DCC: variants seen among roughly 807,000 people sequenced by gnomAD.
The protein encoded by DCC is DCC netrin 1 receptor.
Under a neutral mutation model 172.5 loss-of-function variants are expected in DCC, and 58 were observed. The ratio of observed to expected loss-of-function variants is 0.34; its 90% CI spans 0.27 to 0.42. DCC has a LOEUF of 0.42. DCC is among the 10% of genes least tolerant of loss of function. The pLI, the probability that DCC is intolerant of heterozygous loss-of-function variation, is 1.00. For synonymous variants in DCC, 709 were observed against 644.5 expected (o/e 1.10, Z -1.52); for missense variants, 1,740 against 1,791.0 (o/e 0.97, Z 0.51).
intron 1 of DCC, among the ~76,000 whole-genome samples, chr18:52,543,410 C>T (rs2032520667): frequency 6.6e-6 from 1 of 152,142 alleles, no homozygotes; most frequent in Non-Finnish European, 1.5e-5. Context: ...GCAACATTTC[C>T]TCCATAGCTA....
chr18:53,288,535 TTTTA>T (rs2056961841), intron 12 of DCC, among the ~76,000 whole-genome samples: 1 of 152,140 alleles, frequency 6.6e-6, no homozygotes, highest in African/African-American at 2.4e-5. Context: ...TTTGGAATAG[TTTTA>T]TTCTTTTCCT....
intron 2 of DCC, among the ~76,000 whole-genome samples, chr18:52,788,738 A>G (rs2037707278): frequency 6.6e-6 from 1 of 152,142 alleles, no homozygotes; most frequent in Non-Finnish European, 1.5e-5. Flanking sequence ...CCCTTGGAGG[A>G]ACAGGGCCAG....
chr18:52,568,339 A>G (rs2033210926), intron 1 of DCC, among the ~76,000 whole-genome samples: 1 of 152,204 alleles, frequency 6.6e-6, no homozygotes, highest in Non-Finnish European at 1.5e-5. Flanking sequence ...AATGAATGAA[A>G]TAAATGGATA....
rs78072033 is a variant in DCC at position 52,363,844 on chromosome 18, C to T, written c.91+22966C>T. Among the ~76,000 whole-genome samples, 78 of 152,236 alleles carry T rather than the reference C, an allele frequency of 5.1e-4. No homozygotes were observed. The East Asian group carries it at 0.014, about 28-fold the overall frequency. On this transcript the variant is annotated intron_variant, in intron 1 of 28. Coordinates refer to ENST00000442544, the MANE Select transcript of DCC (RefSeq NM_005215.4). ...CTATGCCAATCAGCTCCTAAAAGTC[C>T]TCCTTCTAAGATATCAACATTGGCT...
chr18:52,725,832 TGA>T (rs2036543781), intron 1 of DCC, among the ~76,000 whole-genome samples: 1 of 152,182 alleles, frequency 6.6e-6, no homozygotes, highest in Non-Finnish European at 1.5e-5. Context: ...AGTTCACACT[TGA>T]GTCACGCATC....
At chr18:53,086,356 T>C in intron 7 of DCC, among the ~76,000 whole-genome samples, 1 of 34,564 alleles carries the variant, frequency 2.9e-5, no homozygotes, top group Non-Finnish European at 5.2e-5. Context: ...CTTCTTCCTT[T>C]CTTCTTCTTC....
intron 27 of DCC, among the ~76,000 whole-genome samples, chr18:53,504,045 C>T (rs1333226332): frequency 6.6e-6 from 1 of 152,088 alleles, no homozygotes. Flanking sequence ...GGACTGAAGA[C>T]AAGGAGGGGG....
At chr18:52,963,607 G>A (rs1235977419) in intron 5 of DCC, among the ~76,000 whole-genome samples, 1 of 152,052 alleles carries the variant, frequency 6.6e-6, no homozygotes, top group East Asian at 1.9e-4. Context: ...ATTTTTGAGT[G>A]GGAAGGTGTT....
chr18:52,655,637 TA>T (rs1290614014), intron 1 of DCC, among the ~76,000 whole-genome samples: 1 of 152,146 alleles, frequency 6.6e-6, no homozygotes, highest in Non-Finnish European at 1.5e-5. Context: ...ATCCACTTTT[TA>T]TATGCAGATT....
At chr18:52,980,664 G>A (rs1327971041) in intron 5 of DCC, among the ~76,000 whole-genome samples, 2 of 151,954 alleles carry the variant, frequency 1.3e-5, no homozygotes, top group African/African-American at 4.8e-5. Flanking sequence ...CATAAAATAA[G>A]TACTAAATAT....
At chr18:53,420,806 C>T (rs1478533032) in intron 21 of DCC, among the ~76,000 whole-genome samples, 2 of 152,170 alleles carry the variant, frequency 1.3e-5, no homozygotes, top group Admixed American at 6.6e-5. Context: ...CAGTCCATAG[C>T]ATCCACATTT....
intron 5 of DCC, among the ~76,000 whole-genome samples, chr18:53,060,809 A>G (rs1599083393): frequency 1.3e-5 from 2 of 152,268 alleles, no homozygotes; most frequent in Admixed American, 1.3e-4. Flanking sequence ...TCTGTGTGAA[A>G]CTGTTAGAAA....
chr18:52,884,697 G>C (rs1293683372), intron 2 of DCC, among the ~76,000 whole-genome samples: 2 of 152,082 alleles, frequency 1.3e-5, no homozygotes, highest in East Asian at 3.9e-4. Context: ...ATTGATCCCT[G>C]GTGCCTTATT....
At chr18:52,607,361 G>A (rs1013159516) in intron 1 of DCC, among the ~76,000 whole-genome samples, 1 of 152,118 alleles carries the variant, frequency 6.6e-6, no homozygotes, top group African/African-American at 2.4e-5. Flanking sequence ...AGATATCCAG[G>A]TACAGTGAGC....
At chr18:53,186,805 C>T (rs1371512496) in intron 9 of DCC, among the ~76,000 whole-genome samples, 1 of 152,130 alleles carries the variant, frequency 6.6e-6, no homozygotes, top group Non-Finnish European at 1.5e-5. Flanking sequence ...ACTGAGAAGT[C>T]TGAGATTAAG....
intron 1 of DCC, among the ~76,000 whole-genome samples, chr18:52,519,424 G>A (rs1026787416): frequency 6.6e-6 from 1 of 152,180 alleles, no homozygotes; most frequent in Non-Finnish European, 1.5e-5. Flanking sequence ...GGATGCTTAT[G>A]TGTAGATTTT....
chr18:52,551,757 C>CATACACAT (rs374293218), intron 1 of DCC, among the ~76,000 whole-genome samples: 2 of 139,420 alleles, frequency 1.4e-5, no homozygotes, highest in Non-Finnish European at 3.1e-5. Flanking sequence ...CACACACACA[C>CATACACAT]ACACACACAC....
At chr18:52,983,868 C>T (rs2041250808) in intron 5 of DCC, among the ~76,000 whole-genome samples, 2 of 152,202 alleles carry the variant, frequency 1.3e-5, no homozygotes, top group Non-Finnish European at 1.5e-5. Context: ...TATGTATCAG[C>T]TGGGAGAAAA....
At chr18:52,885,029 G>C (rs923213847) in intron 2 of DCC, among the ~76,000 whole-genome samples, 2 of 152,122 alleles carry the variant, frequency 1.3e-5, no homozygotes, top group African/African-American at 4.8e-5. Flanking sequence ...TTTCTGTGCA[G>C]AGTCACCTGG....
Sources: gnomAD v4.1 joint callset for allele counts (sites outside exome capture counted in the v4.1 genomes callset) on GRCh38, gnomAD v4.1.1 for gene constraint, MANE v1.5 for transcripts, NCBI Gene and HGNC (gene_info 2026-07-23, HGNC 2026-07-21) for gene names.